Variants in COL19A1 observed in about 807,000 individuals in gnomAD.
The protein encoded by COL19A1 is collagen alpha-1(XIX) chain.
In COL19A1, 159 loss-of-function variants were observed where a neutral mutation model predicts 190.2. The observed-to-expected ratio is 0.84, with a 90% CI of 0.73 to 0.95. The LOEUF (loss-of-function observed/expected upper bound fraction) is 0.95. COL19A1 is among the 40% of genes least tolerant of loss of function. The pLI is 0.00. For missense variants in COL19A1, 1,418 were observed against 1,431.9 expected, an observed-to-expected ratio of 0.99 and a Z score of 0.16; for synonymous variants, 509 against 458.9, an observed-to-expected ratio of 1.11 and a Z score of -1.39.
At chr6:70,104,543 C>T (rs1271979652) in intron 16 of COL19A1, among the ~76,000 whole-genome samples, 1 of 152,168 alleles carries the variant, frequency 6.6e-6, no homozygotes, top group Non-Finnish European at 1.5e-5. Context: ...GCACTGAAGA[C>T]TACAATTTAA....
At chr6:69,951,718 T>C (rs1774133903) in intron 9 of COL19A1, among the ~76,000 whole-genome samples, 1 of 151,884 alleles carries the variant, frequency 6.6e-6, no homozygotes, top group South Asian at 2.1e-4. Context: ...TCAGGAGCCT[T>C]CTTCACATTA....
At position 69,929,576 on chromosome 6, in the gene COL19A1, A is replaced by G; in HGVS notation, c.542A>G (p.Gln181Arg). The change falls in exon 6 of 51, where the codon CAG (glutamine) becomes CGG (arginine). Residue 181 changes from glutamine to arginine, a missense_variant. Physicochemically the swap from Gln to Arg is conservative, Grantham distance 43. Transcript: ENST00000620364. ...WHKLGISIQS[Q>R]VISLYMDCNL... ...AAACTTGGCATTAGTATACAATCCC[A>G]GGTCATTTCACTTTATATGGATTGT... is the stretch of plus-strand genomic sequence containing the variant. 6.2e-7 allele frequency: 1 copy of G among 1,614,036 alleles called. No individual in the cohort carries two copies. The highest frequency in any genetic ancestry group is 8.5e-7 in the Non-Finnish European group (1 of 1,179,952).
chr6:69,962,991 T>G lies in COL19A1; in HGVS notation c.1026+121T>G, dbSNP rs143149930. On this transcript the variant is annotated intron_variant, in intron 11 of 50. Transcript: ENST00000620364. The stretch of plus-strand genomic sequence containing the variant: ...AAGCAATTCAATAATTTTATAGACA[T>G]AACTAAAACATTTGCTTCCATTGAG... 183 of 623,054 alleles carry G rather than the reference T, an allele frequency of 2.9e-4. 1 individual carries two copies. In the African/African-American group the frequency reaches 3.3e-3, roughly 11 times the overall value. The allele number at this position is 623,054 out of a possible 1,614,324, so 38.6% of individuals were successfully genotyped here. A position where few individuals can be genotyped will look rare whatever the true frequency, so the allele number is the denominator to read the frequency against.
chr6:69,919,576 T>A (rs947257452), intron 4 of COL19A1, among the ~76,000 whole-genome samples: 3 of 151,972 alleles, frequency 2.0e-5, no homozygotes, highest in African/African-American at 7.2e-5. Context: ...AGAAAAAAAA[T>A]TTTCATTAAT....
intron 14 of COL19A1, among the ~76,000 whole-genome samples, chr6:70,041,170 G>A (rs1173718911): frequency 1.3e-5 from 2 of 152,122 alleles, no homozygotes; most frequent in Non-Finnish European, 2.9e-5. Flanking sequence ...AATATTTTCA[G>A]CAAATACAGC....
intron 15 of COL19A1, among the ~76,000 whole-genome samples, chr6:70,085,845 T>G (rs1582875511): frequency 6.6e-6 from 1 of 152,280 alleles, no homozygotes. Context: ...ATTTAAAAAT[T>G]GTTATTGTGC....
At chr6:69,969,692 T>C (rs1023163086) in intron 11 of COL19A1, among the ~76,000 whole-genome samples, 15 of 152,334 alleles carry the variant, frequency 9.8e-5, no homozygotes, top group African/African-American at 3.4e-4. Context: ...ATGCAAATAC[T>C]ACTTCCTTTT....
At chr6:69,875,438 T>TAAC (rs1176650281) in intron 1 of COL19A1, among the ~76,000 whole-genome samples, 2 of 152,206 alleles carry the variant, frequency 1.3e-5, no homozygotes, top group African/African-American at 4.8e-5. Flanking sequence ...ATGTAGAGAA[T>TAAC]AACTGTGGTC....
chr6:69,944,280 G>T (rs371658077), intron 9 of COL19A1, among the ~76,000 whole-genome samples: 1 of 151,990 alleles, frequency 6.6e-6, no homozygotes, highest in Non-Finnish European at 1.5e-5. Flanking sequence ...TTGTCATCAC[G>T]CATCTATTTC....
Position 70,162,674 on chromosome 6 carries a change from C to T in COL19A1, c.2347-669C>T, listed in dbSNP as rs532345811. 2.7e-4 allele frequency among the ~76,000 whole-genome samples: 41 copies of T among 152,264 alleles called. No homozygotes were observed. In the South Asian group the frequency reaches 8.5e-3, roughly 32 times the overall value. On this transcript the variant is annotated intron_variant, in intron 35 of 50. Coordinates refer to ENST00000620364, the MANE Select transcript of COL19A1 (RefSeq NM_001858.6). ...CATGCTTCAACTTCTCCACCTCATC[C>T]TTTCTTAGAGTTCCTATGCCAATAG...
intron 9 of COL19A1, among the ~76,000 whole-genome samples, chr6:69,941,675 A>C (rs746546350): frequency 3.0e-4 from 45 of 150,616 alleles, no homozygotes; most frequent in Non-Finnish European, 5.5e-4. Flanking sequence ...TTCTCTGGAT[A>C]CAATGTGCTA....
intron 15 of COL19A1, among the ~76,000 whole-genome samples, chr6:70,099,890 G>C (rs903364750): frequency 6.6e-6 from 1 of 152,120 alleles, no homozygotes; most frequent in African/African-American, 2.4e-5. Context: ...TCTGACAATG[G>C]CAAGGCTGGC....
intron 39 of COL19A1, 120 bp downstream of exon 39, chr6:70,168,335 A>C: frequency 1.0e-6 from 1 of 985,576 alleles, no homozygotes; most frequent in Non-Finnish European, 1.5e-6. Context: ...CAAATTTTAC[A>C]GCAGAAGGAA....
chr6:69,869,635 A>G (rs1767703016), intron 1 of COL19A1, among the ~76,000 whole-genome samples: 1 of 152,242 alleles, frequency 6.6e-6, no homozygotes, highest in Admixed American at 6.5e-5. Flanking sequence ...GATCATTGAT[A>G]TAGATATATC....
chr6:70,042,122 G>A (rs959563351), intron 14 of COL19A1, among the ~76,000 whole-genome samples: 2 of 152,098 alleles, frequency 1.3e-5, no homozygotes, highest in African/African-American at 4.8e-5. Context: ...AAAAATTCAA[G>A]TGCCTAGCAG....
chr6:69,980,463 T>A (rs868032151), intron 11 of COL19A1, among the ~76,000 whole-genome samples: 3 of 152,252 alleles, frequency 2.0e-5, no homozygotes, highest in Middle Eastern at 3.4e-3. Flanking sequence ...ATACTTTACA[T>A]TTGTGTAATC....
chr6:69,983,931 A>C (rs74731333), intron 11 of COL19A1, among the ~76,000 whole-genome samples: 3,607 of 152,140 alleles, frequency 0.024, 141 homozygotes, highest in African/African-American at 0.08. Context: ...TTTTCTGGTC[A>C]AACTTTGCTA....
chr6:69,883,504 A>C (rs993251937), intron 2 of COL19A1, among the ~76,000 whole-genome samples: 2 of 152,220 alleles, frequency 1.3e-5, no homozygotes, highest in Non-Finnish European at 2.9e-5. Context: ...TTCATAATAC[A>C]TTGTTATTAA....
At chr6:70,049,068 T>G (rs943594916) in intron 14 of COL19A1, among the ~76,000 whole-genome samples, 1 of 151,920 alleles carries the variant, frequency 6.6e-6, no homozygotes, top group African/African-American at 2.4e-5. Flanking sequence ...GCATAGTAAT[T>G]AACAGGCTAT....
Sources: gnomAD v4.1 joint callset for allele counts (sites outside exome capture counted in the v4.1 genomes callset) on GRCh38, gnomAD v4.1.1 for gene constraint, MANE v1.5 for transcripts, NCBI Gene and HGNC (gene_info 2026-07-23, HGNC 2026-07-21) for gene names.